The following DNM3 variants were observed in gnomAD, a reference collection of about 807,000 sequenced individuals.
DNM3 encodes dynamin 3, also known as dynamin-3.
Under a neutral mutation model 101.6 loss-of-function variants are expected in DNM3, and 47 were observed. The observed-to-expected ratio is 0.46, with a 90% CI of 0.37 to 0.59. DNM3 has a LOEUF of 0.59. DNM3 is among the 20% of genes least tolerant of loss of function. The pLI is 0.00. For synonymous variants in DNM3, 385 were observed against 387.9 expected (o/e 0.99, Z 0.09); for missense variants, 849 against 1,085.7 (o/e 0.78, Z 3.06).
intron 17 of DNM3, among the ~76,000 whole-genome samples, chr1:172,365,722 TC>T (rs1441480255): frequency 1.3e-4 from 20 of 152,066 alleles, no homozygotes; most frequent in African/African-American, 4.6e-4. Context: ...TAAAGCCTGT[TC>T]TGTGTTTTGC....
chr1:172,041,784 A>C (rs1295203787), intron 7 of DNM3, among the ~76,000 whole-genome samples: 1 of 152,206 alleles, frequency 6.6e-6, no homozygotes, highest in Non-Finnish European at 1.5e-5. Flanking sequence ...ATTGAAAGAC[A>C]ACTATATTTA....
chr1:171,878,866 A>G (rs985396117), intron 1 of DNM3, among the ~76,000 whole-genome samples: 2 of 152,122 alleles, frequency 1.3e-5, no homozygotes, highest in African/African-American at 2.4e-5. Context: ...AAACAAAAGT[A>G]TATGAACAAA....
At chr1:171,991,432 C>T (rs2045622560) in intron 4 of DNM3, among the ~76,000 whole-genome samples, 2 of 152,030 alleles carry the variant, frequency 1.3e-5, no homozygotes, top group Non-Finnish European at 2.9e-5. Context: ...TCACAAAACT[C>T]GGAGAAACAG....
At chr1:172,260,648 C>T (rs998160279) in intron 15 of DNM3, among the ~76,000 whole-genome samples, 9 of 151,970 alleles carry the variant, frequency 5.9e-5, no homozygotes, top group East Asian at 1.9e-4. Context: ...TCAATGAATT[C>T]GTCAGTTCCA....
At chr1:172,091,147 G>A (rs1320477867) in intron 12 of DNM3, among the ~76,000 whole-genome samples, 5 of 152,272 alleles carry the variant, frequency 3.3e-5, no homozygotes, top group Middle Eastern at 3.4e-3. Flanking sequence ...TAAAATGAGG[G>A]TTATAATGGC....
rs376265399 is a variant in DNM3, at chr1:172,038,200, G to A, written c.850-119G>A. On this transcript the variant is annotated intron_variant, in intron 6 of 20. Transcript: ENST00000627582. ...AGTCAATGTCAAATGCAGACATAAT[G>A]TTTGAAATTTTGAATTATTAGAAAA... 2,644 of 1,319,278 alleles carry A rather than the reference G, an allele frequency of 2.0e-3. 26 individuals carry two copies. The highest frequency in any genetic ancestry group is 0.015 in the South Asian group (1,129 of 73,320). 81.7% of individuals were successfully genotyped at this position (1,319,278 alleles called of 1,614,324 possible).
rs369721002 is a variant in DNM3 at position 171,989,074 on chromosome 1, T to C, written c.515T>C (p.Leu172Ser). 32 of 1,613,096 alleles carry C rather than the reference T, an allele frequency of 2.0e-5. No homozygotes were observed. The highest frequency in any genetic ancestry group is 1.6e-4 in the Middle Eastern group (1 of 6,084). The change falls in exon 4 of 21, where the codon TTA (leucine) becomes TCA (serine). Residue 172 changes from leucine to serine, a missense_variant. Around this residue, in one of 5 missense-constraint regions of DNM3, gnomAD observed 388 missense variants for 483.0 expected, o/e 0.80. Transcript: ENST00000627582. ...QFITRENCLI[L>S]AVTPANTDLA... is the part of the protein sequence containing the mutation. ...ATCACGAGGGAGAACTGTCTGATTT[T>C]AGCTGTTACTCCAGCCAACACTGAT...
intron 7 of DNM3, among the ~76,000 whole-genome samples, chr1:172,040,826 A>G (rs190989359): frequency 6.6e-6 from 1 of 152,224 alleles, no homozygotes; most frequent in African/African-American, 2.4e-5. Context: ...AGGGACAGAG[A>G]GAATGGTGTT....
chr1:172,193,418 T>C (rs1233161279), intron 14 of DNM3, among the ~76,000 whole-genome samples: 2 of 152,204 alleles, frequency 1.3e-5, no homozygotes, highest in Non-Finnish European at 2.9e-5. Context: ...TTGATTGGAA[T>C]AGTTTCAGAA....
At chr1:171,959,888 G>A (rs2043105221) in intron 2 of DNM3, among the ~76,000 whole-genome samples, 1 of 152,148 alleles carries the variant, frequency 6.6e-6, no homozygotes, top group African/African-American at 2.4e-5. Flanking sequence ...CAACTGAAGT[G>A]GGGAGAGGGG....
At chr1:172,236,207 T>G (rs1279051410) in intron 14 of DNM3, among the ~76,000 whole-genome samples, 1 of 152,188 alleles carries the variant, frequency 6.6e-6, no homozygotes, top group Non-Finnish European at 1.5e-5. Flanking sequence ...TTGGTTTTCC[T>G]GCTCTTGCCC....
rs112439346 is a variant in DNM3, at chr1:171,845,526, C to T, written c.161+3709C>T. On this transcript the variant is annotated intron_variant, in intron 1 of 20. Coordinates refer to ENST00000627582, the MANE Select transcript of DNM3 (RefSeq NM_015569.5). ...CCATGATTGTGCCACTGCACTCCGG[C>T]ATGGCTGATAGAGCAAGACTCTGTC... Among the ~76,000 whole-genome samples the T allele has an allele frequency of 4.7e-3, 722 of 152,304 alleles. 5 individuals carry two copies. The highest frequency in any genetic ancestry group is 0.016 in the African/African-American group (685 of 41,564).
intron 15 of DNM3, among the ~76,000 whole-genome samples, chr1:172,254,942 C>T (rs1195980484): frequency 6.6e-6 from 1 of 151,980 alleles, no homozygotes; most frequent in Non-Finnish European, 1.5e-5. Flanking sequence ...AATTTTAACC[C>T]ATTTTTTGAG....
intron 13 of DNM3, among the ~76,000 whole-genome samples, chr1:172,111,504 G>A (rs2055475997): frequency 6.6e-6 from 1 of 152,098 alleles, no homozygotes; most frequent in South Asian, 2.1e-4. Flanking sequence ...TTTGAATTTA[G>A]GATTATTAGT....
rs2044895562 is a variant in DNM3 at position 171,982,669 on chromosome 1, T to TGC, written c.236-4986_236-4985insCG. Among the ~76,000 whole-genome samples the TGC allele has an allele frequency of 2.0e-5, 3 of 151,594 alleles. No homozygotes were observed. In the South Asian group the frequency reaches 6.3e-4, roughly 32 times the overall value. On this transcript the variant is annotated intron_variant, in intron 2 of 20. Coordinates refer to ENST00000627582, the MANE Select transcript of DNM3 (RefSeq NM_015569.5). ...TTGCATGCATGTGTGTGTTTGTGTG[T>TGC]GTGTGTGTGTGTGTATAATGCATTT... is the stretch of plus-strand genomic sequence containing the variant.
intron 14 of DNM3, among the ~76,000 whole-genome samples, chr1:172,156,268 A>G (rs1471262234): frequency 6.6e-6 from 1 of 152,084 alleles, no homozygotes; most frequent in Non-Finnish European, 1.5e-5. Flanking sequence ...TGTTTATGGT[A>G]TAGATAACAG....
chr1:172,209,042 G>C (rs951431884), intron 14 of DNM3, among the ~76,000 whole-genome samples: 1 of 152,084 alleles, frequency 6.6e-6, no homozygotes, highest in Admixed American at 6.6e-5. Flanking sequence ...AATTCATATG[G>C]TGAAGCTCTA....
At chr1:172,258,862 A>G (rs1032823913) in intron 15 of DNM3, among the ~76,000 whole-genome samples, 1 of 150,412 alleles carries the variant, frequency 6.6e-6, no homozygotes, top group Non-Finnish European at 1.5e-5. Flanking sequence ...AAATCTTTCT[A>G]TTTCTTTTGA....
At chr1:172,203,841 G>C (rs1053155747) in intron 14 of DNM3, among the ~76,000 whole-genome samples, 1 of 152,104 alleles carries the variant, frequency 6.6e-6, no homozygotes, top group Non-Finnish European at 1.5e-5. Context: ...TAAGTTTGAT[G>C]GTTAAATTGG....
Sources: gnomAD v4.1 joint callset for allele counts (sites outside exome capture counted in the v4.1 genomes callset) on GRCh38, gnomAD v4.1.1 for gene constraint, gnomAD v4.1.1 regional missense constraint, MANE v1.5 for transcripts, NCBI Gene and HGNC (gene_info 2026-07-23, HGNC 2026-07-21) for gene names.